SMARCAL1: variants seen among roughly 807,000 people sequenced by gnomAD.
SMARCAL1 encodes ATP-driven annealing helicase.
Under a neutral mutation model 94.5 loss-of-function variants are expected in SMARCAL1, and 58 were observed. The ratio of observed to expected loss-of-function variants is 0.61; its 90% confidence interval spans 0.50 to 0.76. SMARCAL1 has a LOEUF of 0.76. Ranked by LOEUF, SMARCAL1 falls within the 30% of genes least tolerant of loss-of-function variation. SMARCAL1 has a pLI of 0.00. For missense variants in SMARCAL1, 1,051 were observed against 1,177.9 expected (o/e 0.89, Z 1.58); for synonymous variants, 422 against 455.1 (o/e 0.93, Z 0.93).
Position 216,475,513 on chromosome 2 carries a change from G to A in SMARCAL1, c.2427+62G>A. 1 of 1,540,730 alleles carries A rather than the reference G, an allele frequency of 6.5e-7. No homozygotes were observed. Among genetic ancestry groups the A allele is most frequent in the Non-Finnish European group, 9.0e-7 (1 of 1,113,296 alleles). On this transcript the variant is annotated intron_variant, in intron 15 of 17. Transcript: ENST00000357276. This position sits in a 1 kb window ranked among gnomAD's most constrained non-coding sequence, Gnocchi z 4.4. ...TGCTCATGGCTGTGGGCAGGAAGCA[G>A]TGAGTGTCGGTCGGGGAAAGTGTGG...
At chr2:216,461,853 A>G (rs1054375779) in intron 12 of SMARCAL1, among the ~76,000 whole-genome samples, 14 of 152,020 alleles carry the variant, frequency 9.2e-5, no homozygotes, top group Admixed American at 2.0e-4. Flanking sequence ...ACAAACCATA[A>G]TATTTAAAGA....
rs766092174 is a variant in SMARCAL1, at chr2:216,450,916, T to A, written c.1922T>A (p.Val641Asp). Residue 641 changes from valine to aspartate, a missense_variant, in exon 12 of 18, where the codon GTC becomes GAC. Physicochemically the swap from Val to Asp is radical, Grantham distance 152. This residue lies in a region of SMARCAL1 where 642 missense variants were observed against 754.7 expected (regional missense o/e 0.85). Transcript: ENST00000357276. ...GELKLLLEEA[V>D]MLRRLKSDVL... is the part of the protein sequence containing the mutation. ...CTGAAGCTCCTGCTGGAGGAAGCAGTCATGCTGCGGCGCCTCAAGTCCGAC... is the reference window on the plus strand; with the variant it reads ...CTGAAGCTCCTGCTGGAGGAAGCAGACATGCTGCGGCGCCTCAAGTCCGAC... 1 of 1,614,200 alleles carries A rather than the reference T, an allele frequency of 6.2e-7. No homozygotes were observed. Among genetic ancestry groups the A allele is most frequent in the Non-Finnish European group, 8.5e-7 (1 of 1,180,026 alleles).
chr2:216,416,554 C>T (rs1407848650), intron 4 of SMARCAL1, among the ~76,000 whole-genome samples: 2 of 152,144 alleles, frequency 1.3e-5, no homozygotes, highest in Non-Finnish European at 2.9e-5. Flanking sequence ...ATTCTAAGCC[C>T]CTTATGCTAA....
intron 14 of SMARCAL1, among the ~76,000 whole-genome samples, chr2:216,470,015 A>AT (rs1369617612): frequency 1.3e-5 from 2 of 151,734 alleles, no homozygotes; most frequent in Non-Finnish European, 2.9e-5. Flanking sequence ...ATTTATGGCC[A>AT]TTTTAGCTGT....
rs1574488205 is a variant in SMARCAL1, at chr2:216,482,200, C to T, written c.2626-538C>T. Among the ~76,000 whole-genome samples, 1 of 152,230 alleles carries T rather than the reference C, an allele frequency of 6.6e-6. No homozygotes were observed. The highest frequency in any genetic ancestry group is 1.9e-4 in the East Asian group (1 of 5,186). On this transcript the variant is annotated intron_variant, in intron 17 of 17. Transcript: ENST00000357276. The surrounding 1 kb of genome is among the most constrained non-coding windows in gnomAD (Gnocchi z 4.3). ...GCACATGGTGGCTCACACCTGTAATCCCAACATTTTGGGTAGCTGAGGTGG... is the reference window on the plus strand; with the variant it reads ...GCACATGGTGGCTCACACCTGTAATTCCAACATTTTGGGTAGCTGAGGTGG...
intron 12 of SMARCAL1, among the ~76,000 whole-genome samples, chr2:216,461,132 A>G (rs973455767): frequency 1.3e-5 from 2 of 151,820 alleles, no homozygotes; most frequent in African/African-American, 4.8e-5. Flanking sequence ...AAAGGTAAAC[A>G]TTAAGGTAAT....
At chr2:216,418,532 T>TAAAATTGTCTCA (rs528377650) in intron 4 of SMARCAL1, among the ~76,000 whole-genome samples, 134 of 152,352 alleles carry the variant, frequency 8.8e-4, no homozygotes, top group African/African-American at 3.2e-3. Flanking sequence ...GTATAACATA[T>TAAAATTGTCTCA]AAAATTGTCT....
chr2:216,415,830 T>G, intron 3 of SMARCAL1: 1 of 435,940 alleles, frequency 2.3e-6, no homozygotes, highest in Non-Finnish European at 4.2e-6. Flanking sequence ...AAGTAGATGT[T>G]ATTTTAGTTT....
At chr2:216,453,430 T>A (rs1694493193) in intron 12 of SMARCAL1, among the ~76,000 whole-genome samples, 1 of 152,214 alleles carries the variant, frequency 6.6e-6, no homozygotes, top group African/African-American at 2.4e-5. Flanking sequence ...AAAACAGATT[T>A]GTGTGTTTGT....
At position 216,414,831 on chromosome 2, in the gene SMARCAL1, G is replaced by C. The variant is rs2066524; in HGVS notation, c.127G>C (p.Ala43Pro). 1.2e-6 allele frequency: 2 copies of C among 1,614,194 alleles called. No homozygotes were observed. Among genetic ancestry groups the C allele is most frequent in the South Asian group, 2.2e-5 (2 of 91,078 alleles). ...HQRTSSGTSI[A>P]GNPFQAKQGP... ...GAGGACTAGCTCGGGCACCTCCATTGCTGGCAACCCATTCCAGGCCAAGCA... is the reference window on the plus strand; with the variant it reads ...GAGGACTAGCTCGGGCACCTCCATTCCTGGCAACCCATTCCAGGCCAAGCA... Residue 43 changes from alanine to proline, a missense_variant, in exon 3 of 18, where the codon GCT becomes CCT. Coordinates refer to ENST00000357276, the MANE Select transcript of SMARCAL1 (RefSeq NM_014140.4).
chr2:216,440,664 G>A (rs1694179580), intron 10 of SMARCAL1, among the ~76,000 whole-genome samples: 1 of 152,214 alleles, frequency 6.6e-6, no homozygotes, highest in African/African-American at 2.4e-5. Flanking sequence ...GAAGGAGTGG[G>A]ATGGAGCATT....
intron 8 of SMARCAL1, 45 bp downstream of exon 8, chr2:216,432,913 CAGTGTTAG>C: frequency 6.2e-7 from 1 of 1,610,682 alleles, no homozygotes; most frequent in Non-Finnish European, 8.5e-7. Context: ...AGGTTTTCTT[CAGTGTTAG>C]AGTCATAAAA....
At chr2:216,437,070 G>A (rs1409747978) in intron 9 of SMARCAL1, among the ~76,000 whole-genome samples, 3 of 152,208 alleles carry the variant, frequency 2.0e-5, no homozygotes, top group Non-Finnish European at 4.4e-5. Context: ...CTTTCTTTCA[G>A]AGAAATGTTG....
chr2:216,431,066 C>G (rs1013106294), intron 7 of SMARCAL1, among the ~76,000 whole-genome samples: 1 of 152,230 alleles, frequency 6.6e-6, no homozygotes, highest in African/African-American at 2.4e-5. Context: ...GGGCTGCCCC[C>G]TCTCCTAGGC....
In SMARCAL1 at chr2:216,442,416, C is replaced by CAA. The variant is rs375677725; in HGVS notation, c.1710+3951_1710+3952dup. ...TGAGCAACACAGCTAGACTCTGTCT[C>CAA]AAAAAAAAAAAAAAAAAAAAATTCA... On this transcript the variant is annotated intron_variant, in intron 10 of 17. Transcript: ENST00000357276. Among the ~76,000 whole-genome samples, 232 of 88,662 alleles carry CAA rather than the reference C, an allele frequency of 2.6e-3. 3 individuals are homozygous for CAA. The highest frequency in any genetic ancestry group is 0.012 in the Middle Eastern group (2 of 168). 58.2% of individuals were successfully genotyped at this position (88,662 alleles called of 152,430 possible). A position where few individuals can be genotyped will look rare whatever the true frequency, so the allele number is the denominator to read the frequency against.
chr2:216,427,409 C>T, intron 6 of SMARCAL1: 1 of 152,240 alleles, frequency 6.6e-6, no homozygotes, highest in East Asian at 1.9e-4. Flanking sequence ...GCCTTTTCTA[C>T]CAGCCAGTTC....
chr2:216,415,255 C>G lies in SMARCAL1; in HGVS notation c.551C>G (p.Pro184Arg), dbSNP rs761340743. The change falls in exon 3 of 18, where the codon CCT becomes CGT. Residue 184 changes from proline (P) to arginine (R), a missense_variant. By Grantham distance (103) the Pro-to-Arg change is moderately radical (BLOSUM62 -2). Coordinates refer to ENST00000357276, the MANE Select transcript of SMARCAL1 (RefSeq NM_014140.4). ...ACACCAGCTCATTCCTCTGGACAGCCTCCCAGGGATGCTAAGTTAGAGGCC... is the reference window on the plus strand; with the variant it reads ...ACACCAGCTCATTCCTCTGGACAGCGTCCCAGGGATGCTAAGTTAGAGGCC... Reference protein sequence around the residue: ...QETPAHSSGQPPRDAKLEAKT... With the variant: ...QETPAHSSGQRPRDAKLEAKT... 2.5e-6 allele frequency: 4 copies of G among 1,614,252 alleles called. No homozygotes were observed. Among genetic ancestry groups the G allele is most frequent in the Non-Finnish European group, 3.4e-6 (4 of 1,180,038 alleles).
chr2:216,458,856 T>TA (rs1361657549), intron 12 of SMARCAL1, among the ~76,000 whole-genome samples: 1 of 152,038 alleles, frequency 6.6e-6, no homozygotes, highest in Non-Finnish European at 1.5e-5. Context: ...GAGAAAGAAA[T>TA]AAAGGGTATT....
chr2:216,474,315 T>C (rs1301961840), intron 14 of SMARCAL1, among the ~76,000 whole-genome samples: 3 of 149,776 alleles, frequency 2.0e-5, no homozygotes, highest in Admixed American at 2.0e-4. Context: ...AATTTTTGTA[T>C]TTTTAGTAGA....
Sources: gnomAD v4.1 joint callset for allele counts (sites outside exome capture counted in the v4.1 genomes callset) on GRCh38, gnomAD v4.1.1 for gene constraint, gnomAD v4.1.1 regional missense constraint, Gnocchi (gnomAD v3.1) non-coding constraint, MANE v1.5 for transcripts, NCBI Gene and HGNC (gene_info 2026-07-23, HGNC 2026-07-21) for gene names.